Variants in EPHX2 observed in about 807,000 individuals in gnomAD.
EPHX2 encodes the protein epoxide hydrolase 2, also known as bifunctional epoxide hydrolase 2.
A neutral mutation model predicts 78.7 loss-of-function variants in EPHX2; 74 were observed. The observed-to-expected ratio is 0.94, with a 90% CI of 0.78 to 1.14. EPHX2 has a LOEUF of 1.14. EPHX2 is among the 50% of genes most tolerant of loss of function. The pLI is 0.00. For synonymous variants in EPHX2, 251 were observed against 255.2 expected, an observed-to-expected ratio of 0.98 and a Z score of 0.16; for missense variants, 715 against 702.5, an observed-to-expected ratio of 1.02 and a Z score of -0.20.
rs370170529 is a variant in EPHX2, at chr8:27,501,016, G to A, written c.186+6G>A. On this transcript the variant is annotated splice_donor_region_variant and intron_variant, in intron 2 of 18. Coordinates refer to ENST00000521400, the MANE Select transcript of EPHX2 (RefSeq NM_001979.6). ...GAGAGATCACACTTTCCCAGGTGAG[G>A]GGACATCACCACACAGAGCCCTTTG... The A allele has an allele frequency of 2.8e-5, 45 of 1,612,348 alleles. No homozygotes were observed. Among genetic ancestry groups the A allele is most frequent in the African/African-American group, 4.0e-5 (3 of 74,820 alleles).
chr8:27,535,752 G>T (rs1257709048), intron 12 of EPHX2, among the ~76,000 whole-genome samples: 2 of 152,034 alleles, frequency 1.3e-5, no homozygotes, highest in Non-Finnish European at 2.9e-5. Context: ...GAGAGGGTTG[G>T]GGTAGGAAGG....
At chr8:27,516,724 T>G (rs997388747) in intron 8 of EPHX2, among the ~76,000 whole-genome samples, 3 of 152,190 alleles carry the variant, frequency 2.0e-5, no homozygotes, top group Non-Finnish European at 4.4e-5. Context: ...AAGGCTGTAT[T>G]CAGTCCTCAG....
intron 12 of EPHX2, among the ~76,000 whole-genome samples, chr8:27,530,140 C>T (rs1180673742): frequency 1.3e-5 from 2 of 151,924 alleles, no homozygotes; most frequent in Non-Finnish European, 2.9e-5. Flanking sequence ...CCCACCTCAG[C>T]CTCCCAAACT....
intron 16 of EPHX2, among the ~76,000 whole-genome samples, chr8:27,543,417 G>T (rs749972690): frequency 2.8e-4 from 42 of 152,086 alleles, no homozygotes; most frequent in African/African-American, 9.7e-4. Context: ...CCCCTTTTAA[G>T]CATCTATTTA....
At chr8:27,528,155 GT>G (rs1413195715) in intron 12 of EPHX2, among the ~76,000 whole-genome samples, 1 of 152,214 alleles carries the variant, frequency 6.6e-6, no homozygotes, top group African/African-American at 2.4e-5. Context: ...TCAAGGCACA[GT>G]TTTTTGTTTC....
chr8:27,491,340 G>A (rs752596505), intron 1 of EPHX2, 31 bp downstream of exon 1: 1 of 1,428,076 alleles, frequency 7.0e-7, no homozygotes, highest in Non-Finnish European at 9.1e-7. Context: ...CGCCGCAGTG[G>A]GTCGGGGCCT....
At chr8:27,505,231 C>T in intron 4 of EPHX2, 85 bp downstream of exon 4, 1 of 1,368,830 alleles carries the variant, frequency 7.3e-7, no homozygotes, top group Middle Eastern at 1.8e-4. Context: ...AGGTGGGATG[C>T]ATCTTGGGCC....
chr8:27,538,578 C>A, intron 13 of EPHX2, 81 bp from the exon 14 acceptor site: 2 of 1,329,172 alleles, frequency 1.5e-6, no homozygotes, highest in Non-Finnish European at 1.1e-6. Flanking sequence ...TGTCATTTGT[C>A]GTAACAGGGT....
rs1222051512 is a variant in EPHX2 at position 27,543,748 on chromosome 8, G to C, written c.1450-1G>C. ...ACTTCTGTTTCCTGTTCTCCCCCCAGATCCTGATTCCGGCCCTGATGGTCA... is the reference window on the plus strand; with the variant it reads ...ACTTCTGTTTCCTGTTCTCCCCCCACATCCTGATTCCGGCCCTGATGGTCA... On this transcript the variant is annotated splice_acceptor_variant, in intron 16 of 18. Transcript: ENST00000521400. LOFTEE classifies it high-confidence loss of function. 3 of 1,613,968 alleles carry C rather than the reference G, an allele frequency of 1.9e-6. No homozygotes were observed. Among genetic ancestry groups the C allele is most frequent in the Non-Finnish European group, 2.5e-6 (3 of 1,179,984 alleles).
At chr8:27,539,009 G>T in intron 14 of EPHX2, 1 of 304,700 alleles carries the variant, frequency 3.3e-6, no homozygotes, top group Non-Finnish European at 6.2e-6. Flanking sequence ...ACCTCTATGG[G>T]GGTCACCTCG....
At chr8:27,498,250 C>G (rs559116626) in intron 1 of EPHX2, among the ~76,000 whole-genome samples, 13 of 152,280 alleles carry the variant, frequency 8.5e-5, no homozygotes, top group African/African-American at 3.1e-4. Flanking sequence ...AACCGATAGC[C>G]CGGGGGTTTT....
In EPHX2 at chr8:27,491,557, G is replaced by A. The variant is rs552752941; in HGVS notation, c.101+248G>A. The stretch of plus-strand genomic sequence containing the variant: ...TCTGTGAACTTTTCCAAAAGGGAGA[G>A]GAGTTACTCATGGAGCTTTGTGCTT... On this transcript the variant is annotated intron_variant, in intron 1 of 18. Coordinates refer to ENST00000521400, the MANE Select transcript of EPHX2 (RefSeq NM_001979.6). Among the ~76,000 whole-genome samples, 21 of 152,356 alleles carry A rather than the reference G, an allele frequency of 1.4e-4. 1 individual carries two copies. The highest frequency in any genetic ancestry group is 5.1e-4 in the African/African-American group (21 of 41,582).
intron 1 of EPHX2, among the ~76,000 whole-genome samples, chr8:27,498,905 C>T (rs551765802): frequency 1.3e-5 from 2 of 152,162 alleles, no homozygotes; most frequent in African/African-American, 4.8e-5. Context: ...CTGTTGCTTA[C>T]AACAGGATAT....
intron 1 of EPHX2, among the ~76,000 whole-genome samples, chr8:27,492,662 C>T (rs923455921): frequency 6.6e-6 from 1 of 152,128 alleles, no homozygotes; most frequent in Admixed American, 6.5e-5. Flanking sequence ...GCTGGGGTGG[C>T]CAGCTTTTAT....
At position 27,500,292 on chromosome 8, in the gene EPHX2, C is replaced by G. The variant is rs191070342; in HGVS notation, c.102-634C>G. Among the ~76,000 whole-genome samples the G allele has an allele frequency of 1.1e-3, 168 of 152,250 alleles. 1 individual carries two copies. The highest frequency in any genetic ancestry group is 1.0e-4 in the Non-Finnish European group (7 of 68,016). On this transcript the variant is annotated intron_variant, in intron 1 of 18. Transcript: ENST00000521400. ...CCTGCTCCAACCATGTAACACGTGC[C>G]TTGCTTCCCCTTCACCCTCCGCCAT...
At chr8:27,519,846 T>TGGTCACA (rs1310035064) in intron 9 of EPHX2, among the ~76,000 whole-genome samples, 1 of 152,208 alleles carries the variant, frequency 6.6e-6, no homozygotes, top group Non-Finnish European at 1.5e-5. Flanking sequence ...AACTCCATGC[T>TGGTCACA]GGTCACAGTC....
At chr8:27,539,766 A>G (rs1815335050) in intron 14 of EPHX2, among the ~76,000 whole-genome samples, 1 of 152,196 alleles carries the variant, frequency 6.6e-6, no homozygotes, top group South Asian at 2.1e-4. Flanking sequence ...GTGAGTCTGG[A>G]GCACCCGCCT....
intron 5 of EPHX2, among the ~76,000 whole-genome samples, chr8:27,510,920 G>A (rs753803463): frequency 2.0e-5 from 3 of 152,138 alleles, no homozygotes; most frequent in Non-Finnish European, 4.4e-5. Context: ...CTGCATGTCA[G>A]CCTGGATGAC....
intron 12 of EPHX2, among the ~76,000 whole-genome samples, chr8:27,535,522 C>G (rs556426708): frequency 5.9e-5 from 9 of 152,280 alleles, no homozygotes; most frequent in African/African-American, 2.2e-4. Context: ...TCTCTGCCTC[C>G]AGGACAGCTG....
Sources: allele counts gnomAD v4.1 joint callset (sites outside exome capture counted in the v4.1 genomes callset), GRCh38; gene constraint gnomAD v4.1.1; transcripts MANE v1.5; gene names NCBI Gene and HGNC (gene_info 2026-07-23, HGNC 2026-07-21).